Variants in MON1B observed in about 807,000 individuals in gnomAD.
MON1B encodes vacuolar fusion protein MON1 homolog B.
A neutral mutation model predicts 45.1 loss-of-function variants in MON1B; 26 were observed. The ratio of observed to expected loss-of-function variants is 0.58; its 90% CI spans 0.42 to 0.80. The LOEUF (loss-of-function observed/expected upper bound fraction) is 0.80, where lower values mean the gene tolerates loss of function less well. Ranked by LOEUF, MON1B falls within the 30% of genes least tolerant of loss-of-function variation. MON1B has a pLI of 0.00. For synonymous variants in MON1B, 395 were observed against 320.2 expected (o/e 1.23, Z -2.49); for missense variants, 737 against 754.5 (o/e 0.98, Z 0.27).
chr16:77,200,224 A>ATGTATG lies in MON1B; in HGVS notation c.*1919_*1920insATGTGT, dbSNP rs2054717697. 1 of 131,856 alleles carries ATGTATG rather than the reference A, an allele frequency of 7.6e-6. No individual in the cohort carries two copies. Among genetic ancestry groups the ATGTATG allele is most frequent in the African/African-American group, 2.9e-5 (1 of 34,536 alleles). The allele number at this position is 131,856 out of a possible 1,614,324, so 8.2% of individuals were successfully genotyped here. A position where few individuals can be genotyped will look rare whatever the true frequency, so the allele number is the denominator to read the frequency against. Reference sequence around the variant, plus strand: ...TATGTGTATTTATATGTATGTATGTATGTGTGTGTATATATATATATATGT... The same window carrying ATGTATG: ...TATGTGTATTTATATGTATGTATGTATGTATGTGTGTGTGTATATATATATATATGT... On this transcript the variant is annotated 3_prime_UTR_variant, in exon 6 of 6. Coordinates refer to ENST00000248248, the MANE Select transcript of MON1B (RefSeq NM_014940.4).
In MON1B at chr16:77,191,483, C is replaced by G. The variant is rs746816996; in HGVS notation, c.-3C>G. ...GATTCCCCTCCCACTCAGGGATGTG[C>G]AGATGGAGGTCGGAGGAGACACTGC... On this transcript the variant is annotated 5_prime_UTR_variant, in exon 2 of 6. Coordinates refer to ENST00000248248, the MANE Select transcript of MON1B (RefSeq NM_014940.4). 1 of 1,599,742 alleles carries G rather than the reference C, an allele frequency of 6.3e-7. No individual in the cohort carries two copies. Among genetic ancestry groups the G allele is most frequent in the Non-Finnish European group, 8.5e-7 (1 of 1,175,342 alleles).
chr16:77,192,294 A>G (rs947519295), intron 2 of MON1B, among the ~76,000 whole-genome samples: 1 of 152,210 alleles, frequency 6.6e-6, no homozygotes, highest in Admixed American at 6.5e-5. Context: ...GGGAATTAAT[A>G]GCAGGTAAGA....
In MON1B at chr16:77,196,718, G is replaced by A. The variant is rs902800634; in HGVS notation, c.1443+1036G>A. ...TTGAACCTGGGAGGTGGAGGTTGCC[G>A]TGAGCCAAGATCGCGCCACTGCACT... On this transcript the variant is annotated intron_variant, in intron 5 of 5. Transcript: ENST00000248248. 5.3e-5 allele frequency among the ~76,000 whole-genome samples: 8 copies of A among 152,200 alleles called. No individual in the cohort carries two copies. In the South Asian group the frequency reaches 1.2e-3, roughly 24 times the overall value.
chr16:77,194,704 G>T lies in MON1B; in HGVS notation c.845G>T (p.Gly282Val), dbSNP rs778937028. The change falls in exon 4 of 6, where the codon GGT becomes GTT. Residue 282 changes from glycine to valine, a missense_variant. Coordinates refer to ENST00000248248, the MANE Select transcript of MON1B (RefSeq NM_014940.4). This position sits in a 1 kb window ranked among gnomAD's most constrained non-coding sequence, Gnocchi z 8.1. ...GLALSVLAVGGRLITAAQERN... is the reference protein window; with the variant it reads ...GLALSVLAVGVRLITAAQERN... ...GCGCTGTCAGTGCTGGCAGTAGGCG[G>T]TCGACTTATAACAGCAGCCCAGGAG... The T allele has an allele frequency of 1.2e-6, 2 of 1,613,816 alleles. No individual in the cohort carries two copies. The highest frequency in any genetic ancestry group is 1.3e-5 in the African/African-American group (1 of 74,940).
In MON1B at chr16:77,191,236, A is replaced by G. The variant is rs1428377326; in HGVS notation, c.-33A>G. The G allele has an allele frequency of 2.0e-6, 3 of 1,537,034 alleles. No individual in the cohort carries two copies. Among genetic ancestry groups the G allele is most frequent in the Non-Finnish European group, 2.6e-6 (3 of 1,146,920 alleles). Reference sequence around the variant, plus strand: ...ACGGGGAAGTAATGGTATCCGGCCAATTGAGATTCGGAGTTAAAACAGGTG... The same window carrying G: ...ACGGGGAAGTAATGGTATCCGGCCAGTTGAGATTCGGAGTTAAAACAGGTG... On this transcript the variant is annotated 5_prime_UTR_variant, in exon 1 of 6. Coordinates refer to ENST00000248248, the MANE Select transcript of MON1B (RefSeq NM_014940.4).
rs1484734688 is a variant in MON1B, at chr16:77,195,137, A to C, written c.1278A>C (p.Gln426His). The C allele has an allele frequency of 6.3e-7, 1 of 1,595,278 alleles. No homozygotes were observed. Among genetic ancestry groups the C allele is most frequent in the Non-Finnish European group, 8.5e-7 (1 of 1,177,440 alleles). The change falls in exon 4 of 6, where the codon CAA (glutamine) becomes CAC (histidine). Residue 426 changes from glutamine (Q) to histidine (H), a missense_variant. Gln to His is a conservative substitution (Grantham distance 24). Transcript: ENST00000248248. ...TGGACATCCCTGACCACCACCGCCA[A>C]CTGCCCCAGTTTACCAGGTAGGCCC... ...KPLDIPDHHR[Q>H]LPQFTSPELE...
Position 77,198,534 on chromosome 16 carries a change from T to C in MON1B, c.*226T>C. The C allele has an allele frequency of 5.2e-6, 3 of 576,504 alleles. No homozygotes were observed. Among genetic ancestry groups the C allele is most frequent in the East Asian group, 2.9e-5 (1 of 34,144 alleles). The allele number at this position is 576,504 out of a possible 1,614,324, so 35.7% of individuals were successfully genotyped here. ...GCACCTCCCCCTCTGGGGAAATCCT[T>C]AGGCCTCCCTCTCCCTTCCCTCTGT... On this transcript the variant is annotated 3_prime_UTR_variant, in exon 6 of 6. Transcript: ENST00000248248.
In MON1B at chr16:77,194,751, C is replaced by T. The variant is rs1191829706; in HGVS notation, c.892C>T (p.Arg298Trp). 4 of 1,613,822 alleles carry T rather than the reference C, an allele frequency of 2.5e-6. No homozygotes were observed. Among genetic ancestry groups the T allele is most frequent in the Non-Finnish European group, 3.4e-6 (4 of 1,179,844 alleles). The change falls in exon 4 of 6, where the codon CGG (arginine) becomes TGG (tryptophan). Residue 298 changes from arginine (R) to tryptophan (W), a missense_variant. Arg to Trp is a moderately radical substitution (Grantham distance 101). Coordinates refer to ENST00000248248, the MANE Select transcript of MON1B (RefSeq NM_014940.4). The surrounding 1 kb of genome is among the most constrained non-coding windows in gnomAD (Gnocchi z 8.1). ...GGAGCGAAATGTGCTGGCCGAGTGC[C>T]GGCTGGACCCAGCTGACCTGCAGTT... ...AQERNVLAECRLDPADLQLLL... is the reference protein window; with the variant it reads ...AQERNVLAECWLDPADLQLLL...
chr16:77,197,679 A>G (rs1320030257), intron 5 of MON1B, among the ~76,000 whole-genome samples: 1 of 152,162 alleles, frequency 6.6e-6, no homozygotes, highest in Non-Finnish European at 1.5e-5. Context: ...GAAAGGCGCT[A>G]GTGACCTTGT....
rs2054712392 is a variant in MON1B at position 77,199,884 on chromosome 16, C to CA, written c.*1577dup. 5.6e-6 allele frequency: 1 copy of CA among 178,634 alleles called. No individual in the cohort carries two copies. The highest frequency in any genetic ancestry group is 5.9e-5 in the Admixed American group (1 of 16,834). 11.1% of individuals were successfully genotyped at this position (178,634 alleles called of 1,614,324 possible). ...CAGTGTCGCCATTTCACACCTAACA[C>CA]ATATGACACTTTGATGGACTCTTAA... On this transcript the variant is annotated 3_prime_UTR_variant, in exon 6 of 6. Transcript: ENST00000248248.
At chr16:77,196,063 C>T (rs2054662689) in intron 5 of MON1B, among the ~76,000 whole-genome samples, 1 of 152,158 alleles carries the variant, frequency 6.6e-6, no homozygotes, top group African/African-American at 2.4e-5. Context: ...CCCCAGCACT[C>T]CTCAGACTAC....
chr16:77,194,103 G>A lies in MON1B; in HGVS notation c.476-232G>A, dbSNP rs1050733827. 3.1e-5 allele frequency: 19 copies of A among 612,040 alleles called. No homozygotes were observed. The Middle Eastern group carries it at 9.3e-4, about 30-fold the overall frequency. 37.9% of individuals were successfully genotyped at this position (612,040 alleles called of 1,614,324 possible). A position where few individuals can be genotyped will look rare whatever the true frequency, so the allele number is the denominator to read the frequency against. ...TTGTACCATCTCTACCCGCCTGCCC[G>A]TGGTCTTTGCTGTGTATCTAACCTA... is the stretch of plus-strand genomic sequence containing the variant. On this transcript the variant is annotated intron_variant, in intron 3 of 5. Transcript: ENST00000248248. The surrounding 1 kb of genome is among the most constrained non-coding windows in gnomAD (Gnocchi z 8.1).
At chr16:77,196,581 G>A (rs1005561100) in intron 5 of MON1B, among the ~76,000 whole-genome samples, 1 of 152,034 alleles carries the variant, frequency 6.6e-6, no homozygotes, top group Admixed American at 6.5e-5. Context: ...TTCGAGACCA[G>A]CCTGGCAAAC....
At position 77,198,362 on chromosome 16, in the gene MON1B, C is replaced by T. The variant is rs1597378587; in HGVS notation, c.*54C>T. ...TGGGAGCAACCACCTTTGTTTTTTA[C>T]CTTCTGTCTACCCTGGAAATGTGTG... On this transcript the variant is annotated 3_prime_UTR_variant, in exon 6 of 6. Coordinates refer to ENST00000248248, the MANE Select transcript of MON1B (RefSeq NM_014940.4). The T allele has an allele frequency of 1.9e-6, 3 of 1,546,884 alleles. No homozygotes were observed. The East Asian group carries it at 6.7e-5, about 35-fold the overall frequency.
rs576249972 is a variant in MON1B at position 77,195,128 on chromosome 16, C to G, written c.1269C>G (p.His423Gln). 2 of 1,596,824 alleles carry G rather than the reference C, an allele frequency of 1.3e-6. No homozygotes were observed. Among genetic ancestry groups the G allele is most frequent in the South Asian group, 1.1e-5 (1 of 90,540 alleles). ...FLYKPLDIPD[H>Q]HRQLPQFTSP... ...ATAAGCCGCTGGACATCCCTGACCA[C>G]CACCGCCAACTGCCCCAGTTTACCA... Residue 423 changes from histidine (H) to glutamine (Q), a missense_variant, in exon 4 of 6, where the codon CAC becomes CAG. His to Gln is a conservative substitution (Grantham distance 24, BLOSUM62 0). Coordinates refer to ENST00000248248, the MANE Select transcript of MON1B (RefSeq NM_014940.4).
chr16:77,199,547 C>T lies in MON1B; in HGVS notation c.*1239C>T, dbSNP rs962114381. On this transcript the variant is annotated 3_prime_UTR_variant, in exon 6 of 6. Coordinates refer to ENST00000248248, the MANE Select transcript of MON1B (RefSeq NM_014940.4). Reference sequence around the variant, plus strand: ...GCAAGTGGGCTGCACTCCTTTCTCTCCAACCAGGGCAGAAAGGAGGGAGGA... The same window carrying T: ...GCAAGTGGGCTGCACTCCTTTCTCTTCAACCAGGGCAGAAAGGAGGGAGGA... The T allele has an allele frequency of 1.3e-6, 2 of 1,483,898 alleles. No homozygotes were observed. The highest frequency in any genetic ancestry group is 1.8e-6 in the Non-Finnish European group (2 of 1,087,092). The allele number at this position is 1,483,898 out of a possible 1,614,324, so 91.9% of individuals were successfully genotyped here.
Position 77,193,614 on chromosome 16 carries a change from G to A in MON1B, c.312G>A (p.Glu104=). ...GGQGGDPSDE[E]WRSQRKHVFV... ...AGGGCGGGGACCCCAGTGATGAGGA[G>A]TGGCGCAGCCAGCGGAAGCATGTGT... The change falls in exon 3 of 6, where the codon GAG becomes GAA. Residue 104 remains glutamate (E), a synonymous_variant. Coordinates refer to ENST00000248248, the MANE Select transcript of MON1B (RefSeq NM_014940.4). This position sits in a 1 kb window ranked among gnomAD's most constrained non-coding sequence, Gnocchi z 5.0. 2 of 1,614,136 alleles carry A rather than the reference G, an allele frequency of 1.2e-6. No individual in the cohort carries two copies. The highest frequency in any genetic ancestry group is 1.7e-6 in the Non-Finnish European group (2 of 1,179,982).
chr16:77,196,898 G>A (rs2054670717), intron 5 of MON1B, among the ~76,000 whole-genome samples: 1 of 151,670 alleles, frequency 6.6e-6, no homozygotes, highest in Non-Finnish European at 1.5e-5. Flanking sequence ...ATTTATTTTG[G>A]TGTTCAGATT....
In MON1B at chr16:77,198,558, G is replaced by C. The variant is rs1297635013; in HGVS notation, c.*250G>C. On this transcript the variant is annotated 3_prime_UTR_variant, in exon 6 of 6. Coordinates refer to ENST00000248248, the MANE Select transcript of MON1B (RefSeq NM_014940.4). ...TTAGGCCTCCCTCTCCCTTCCCTCT[G>C]TCTCATCTCCTCCACTTGGATGATG... 7 of 536,154 alleles carry C rather than the reference G, an allele frequency of 1.3e-5. No individual in the cohort carries two copies. In the East Asian group the frequency reaches 2.3e-4, roughly 17 times the overall value. 33.2% of individuals were successfully genotyped at this position (536,154 alleles called of 1,614,324 possible).
Sources: allele counts gnomAD v4.1 joint callset (sites outside exome capture counted in the v4.1 genomes callset), GRCh38; gene constraint gnomAD v4.1.1; non-coding constraint Gnocchi (gnomAD v3.1); transcripts MANE v1.5; gene names NCBI Gene and HGNC (gene_info 2026-07-23, HGNC 2026-07-21).